ST14: variants seen among roughly 807,000 people sequenced by gnomAD.
The protein encoded by ST14 is suppressor of tumorigenicity 14 protein.
A neutral mutation model predicts 96.5 loss-of-function variants in ST14; 40 were observed. The ratio of observed to expected loss-of-function variants is 0.41; its 90% CI spans 0.32 to 0.54. ST14 has a LOEUF of 0.54. Ranked by LOEUF, ST14 falls within the 20% of genes least tolerant of loss-of-function variation. The probability of loss-of-function intolerance (pLI) is 0.17; values close to 1 mark genes in which losing one functional copy is unlikely to be tolerated. For missense variants in ST14, 1,066 were observed against 1,188.9 expected, an observed-to-expected ratio of 0.90 and a Z score of 1.52; for synonymous variants, 506 against 492.1, an observed-to-expected ratio of 1.03 and a Z score of -0.37.
chr11:130,189,842 C>T lies in ST14; in HGVS notation c.544C>T (p.Pro182Ser), dbSNP rs754459989. The T allele has an allele frequency of 1.9e-6, 3 of 1,613,872 alleles. No homozygotes were observed. Among genetic ancestry groups the T allele is most frequent in the Admixed American group, 3.3e-5 (2 of 60,032 alleles). The change falls in exon 5 of 19, where the codon CCC (proline) becomes TCC (serine). Residue 182 changes from proline (P) to serine (S), a missense_variant. Transcript: ENST00000278742. ...GGCCGAGGAGCGCGTAGTCATGCTG[C>T]CCCCGCGGGCGCGCTCCCTGAAGTC... ...VMAEERVVMLPPRARSLKSFV... is the reference protein window; with the variant it reads ...VMAEERVVMLSPRARSLKSFV...
At chr11:130,166,387 T>C (rs1953041387) in intron 1 of ST14, among the ~76,000 whole-genome samples, 1 of 152,202 alleles carries the variant, frequency 6.6e-6, no homozygotes, top group East Asian at 1.9e-4. Context: ...ATCGAAGTTC[T>C]GGTAGGCTTG....
Position 130,188,551 on chromosome 11 carries a change from A to G in ST14, c.263A>G (p.Lys88Arg). 6.2e-7 allele frequency: 1 copy of G among 1,614,210 alleles called. No individual in the cohort carries two copies. The highest frequency in any genetic ancestry group is 8.5e-7 in the Non-Finnish European group (1 of 1,180,040). The change falls in exon 3 of 19, where the codon AAG becomes AGG. Residue 88 changes from lysine to arginine, a missense_variant. Lys to Arg is a conservative substitution (Grantham distance 26). Transcript: ENST00000278742. The surrounding 1 kb of genome is among the most constrained non-coding windows in gnomAD (Gnocchi z 5.4). ...ACAGACCGGGACGTGCGTGTCCAGA[A>G]GGTCTTCAATGGCTACATGAGGATC... ...HLQYRDVRVQ[K>R]VFNGYMRITN... is the part of the protein sequence containing the mutation.
Position 130,188,009 on chromosome 11 carries a change from T to G in ST14, c.82-105T>G. 6.6e-7 allele frequency: 1 copy of G among 1,505,304 alleles called. No homozygotes were observed. Among genetic ancestry groups the G allele is most frequent in the Non-Finnish European group, 9.0e-7 (1 of 1,110,176 alleles). The allele number at this position is 1,505,304 out of a possible 1,614,324, so 93.2% of individuals were successfully genotyped here. A position where few individuals can be genotyped will look rare whatever the true frequency, so the allele number is the denominator to read the frequency against. ...CCCTTCTTCTCACCCAAGCCCCTGC[T>G]TTCTTCTCCAAGCTGGACCTCACAA... On this transcript the variant is annotated intron_variant, in intron 1 of 18. Coordinates refer to ENST00000278742, the MANE Select transcript of ST14 (RefSeq NM_021978.4). This position sits in a 1 kb window ranked among gnomAD's most constrained non-coding sequence, Gnocchi z 5.4.
In ST14 at chr11:130,196,363, G is replaced by A. The variant is rs1233276597; in HGVS notation, c.1138G>A (p.Val380Met). 2 of 1,602,280 alleles carry A rather than the reference G, an allele frequency of 1.2e-6. No homozygotes were observed. The highest frequency in any genetic ancestry group is 1.7e-6 in the Non-Finnish European group (2 of 1,174,912). The change falls in exon 10 of 19, where the codon GTG becomes ATG. Residue 380 changes from valine (V) to methionine (M), a missense_variant. Val to Met is a conservative substitution (Grantham distance 21, BLOSUM62 1). Coordinates refer to ENST00000278742, the MANE Select transcript of ST14 (RefSeq NM_021978.4). Reference protein sequence around the residue: ...IEVPNNQHVKVRFKFFYLLEP... With the variant: ...IEVPNNQHVKMRFKFFYLLEP... ...GGTGCCCAACAACCAGCATGTGAAG[G>A]TGCGCTTCAAATTCTTCTACCTGCT...
At chr11:130,176,951 A>G (rs1340335023) in intron 1 of ST14, among the ~76,000 whole-genome samples, 1 of 151,194 alleles carries the variant, frequency 6.6e-6, no homozygotes, top group Non-Finnish European at 1.5e-5. Flanking sequence ...GGCCCATACT[A>G]CCGCACCTGG....
chr11:130,184,498 C>A (rs1384359301), intron 1 of ST14, among the ~76,000 whole-genome samples: 3 of 152,170 alleles, frequency 2.0e-5, no homozygotes, highest in South Asian at 2.1e-4. Flanking sequence ...TCACTGAGCC[C>A]TTTGAATTGG....
At chr11:130,193,955 G>A (rs1940199459) in intron 7 of ST14, among the ~76,000 whole-genome samples, 194 bp from the exon 8 acceptor site, 1 of 152,288 alleles carries the variant, frequency 6.6e-6, no homozygotes, top group Non-Finnish European at 1.5e-5. Context: ...TATCACTAGC[G>A]CCTTCCATCA....
At chr11:130,193,601 C>T (rs544669274) in intron 7 of ST14, among the ~76,000 whole-genome samples, 84 of 152,120 alleles carry the variant, frequency 5.5e-4, no homozygotes, top group African/African-American at 2.0e-3. Flanking sequence ...TCTGGAGTAG[C>T]TGGGATTACA....
intron 7 of ST14, among the ~76,000 whole-genome samples, chr11:130,191,019 A>G (rs1015531949): frequency 1.3e-5 from 2 of 152,238 alleles, no homozygotes; most frequent in African/African-American, 4.8e-5. Flanking sequence ...ATTCAGGGAT[A>G]TGAAGGCCAA....
In ST14 at chr11:130,163,173, T is replaced by C. The variant is rs887764996; in HGVS notation, c.81+3113T>C. Among the ~76,000 whole-genome samples, 7 of 152,270 alleles carry C rather than the reference T, an allele frequency of 4.6e-5. No individual in the cohort carries two copies. The East Asian group carries it at 5.8e-4, about 13-fold the overall frequency. ...AGAGGCTGAGAACCCAGGCTGTCAGTGGGGCCCTGACCTCACAGAGGAGCC... is the reference window on the plus strand; with the variant it reads ...AGAGGCTGAGAACCCAGGCTGTCAGCGGGGCCCTGACCTCACAGAGGAGCC... On this transcript the variant is annotated intron_variant, in intron 1 of 18. Transcript: ENST00000278742.
chr11:130,176,788 CTTTTTTTTT>C (rs56764956), intron 1 of ST14, among the ~76,000 whole-genome samples: 11 of 59,254 alleles, frequency 1.9e-4, no homozygotes, highest in Non-Finnish European at 2.4e-4. Flanking sequence ...TAGGGCTTAA[CTTTTTTTTT>C]TTTTTTTTTT....
intron 12 of ST14, 73 bp downstream of exon 12, chr11:130,198,018 C>A: frequency 6.9e-7 from 1 of 1,456,334 alleles, no homozygotes. Flanking sequence ...GCCCTGCTGG[C>A]TGACTGCCGA....
chr11:130,178,772 G>A (rs2136207242), intron 1 of ST14, among the ~76,000 whole-genome samples: 1 of 152,318 alleles, frequency 6.6e-6, no homozygotes, highest in African/African-American at 2.4e-5. Context: ...CTGTTTTCCA[G>A]CAGCTCCTTC....
intron 16 of ST14, 57 bp downstream of exon 16, chr11:130,200,194 T>C (rs1191520121): frequency 6.3e-7 from 1 of 1,598,030 alleles, no homozygotes; most frequent in Non-Finnish European, 8.5e-7. Context: ...CATCTGGGAG[T>C]AATGCCAGGA....
At chr11:130,190,404 TC>T in intron 6 of ST14, 49 bp from the exon 7 acceptor site, 2 of 1,602,112 alleles carry the variant, frequency 1.2e-6, no homozygotes, top group Non-Finnish European at 1.7e-6. Flanking sequence ...CTCCCCCAGC[TC>T]TGCCCAGCCC....
intron 1 of ST14, among the ~76,000 whole-genome samples, chr11:130,170,365 A>G (rs774829404): frequency 6.6e-6 from 1 of 152,086 alleles, no homozygotes; most frequent in Non-Finnish European, 1.5e-5. Context: ...TCAACCCATC[A>G]ATTAGTCAAT....
chr11:130,197,838 C>A lies in ST14; in HGVS notation c.1355-3C>A. The A allele has an allele frequency of 1.3e-6, 2 of 1,565,196 alleles. No homozygotes were observed. Among genetic ancestry groups the A allele is most frequent in the Non-Finnish European group, 1.7e-6 (2 of 1,158,758 alleles). ...GGGGCCTCAGGCCTGCCTGTGCCCG[C>A]AGCATGCCCGGGGCAGTTCACGTGC... On this transcript the variant is annotated splice_region_variant and splice_polypyrimidine_tract_variant and intron_variant, in intron 11 of 18. Transcript: ENST00000278742.
intron 7 of ST14, among the ~76,000 whole-genome samples, chr11:130,191,442 C>G (rs527926625): frequency 6.6e-6 from 1 of 152,194 alleles, no homozygotes; most frequent in African/African-American, 2.4e-5. Flanking sequence ...GTAAGCCCAG[C>G]ACTTTGGGAG....
At chr11:130,162,448 G>A (rs949814163) in intron 1 of ST14, among the ~76,000 whole-genome samples, 3 of 152,124 alleles carry the variant, frequency 2.0e-5, no homozygotes, top group African/African-American at 7.2e-5. Context: ...TTCCTTTTCC[G>A]ATCACAATTG....
Sources: gnomAD v4.1 joint callset for allele counts (sites outside exome capture counted in the v4.1 genomes callset) on GRCh38, gnomAD v4.1.1 for gene constraint, Gnocchi (gnomAD v3.1) non-coding constraint, MANE v1.5 for transcripts, NCBI Gene and HGNC (gene_info 2026-07-23, HGNC 2026-07-21) for gene names.